DTNB: variants seen among roughly 807,000 people sequenced by gnomAD.
DTNB encodes the protein DTN-B.
DTNB carries 63 observed loss-of-function variants against 90.7 expected under a neutral mutation model. The ratio of observed to expected loss-of-function variants is 0.69; its 90% CI spans 0.57 to 0.86. The LOEUF is 0.86. Among genes scored for constraint, DTNB ranks in the 40% least tolerant of loss-of-function variants. The pLI, the probability that DTNB is intolerant of heterozygous loss-of-function variation, is 0.00. For missense variants in DTNB, 744 were observed against 807.1 expected (o/e 0.92, Z 0.95); for synonymous variants, 277 against 286.7 (o/e 0.97, Z 0.34).
intron 12 of DTNB, among the ~76,000 whole-genome samples, chr2:25,441,505 T>C (rs1166012032): frequency 6.6e-6 from 1 of 152,238 alleles, no homozygotes; most frequent in Non-Finnish European, 1.5e-5. Context: ...ACAGCTTTAA[T>C]GAGGCGATGT....
chr2:25,572,965 A>C (rs1356447852), intron 8 of DTNB, among the ~76,000 whole-genome samples: 1 of 149,406 alleles, frequency 6.7e-6, no homozygotes, highest in African/African-American at 2.5e-5. Flanking sequence ...TTTGAGATGG[A>C]GTTTCACTCT....
chr2:25,544,462 T>C (rs1484229222), intron 8 of DTNB, among the ~76,000 whole-genome samples: 2 of 152,192 alleles, frequency 1.3e-5, no homozygotes, highest in Non-Finnish European at 2.9e-5. Flanking sequence ...AAGCTCAGGA[T>C]TGGTGACTTT....
intron 2 of DTNB, among the ~76,000 whole-genome samples, chr2:25,651,744 C>A (rs995678302): frequency 6.6e-6 from 1 of 152,066 alleles, no homozygotes; most frequent in African/African-American, 2.4e-5. Flanking sequence ...TTTCATATTG[C>A]GATATGCAGA....
intron 4 of DTNB, among the ~76,000 whole-genome samples, chr2:25,610,715 C>T (rs936461790): frequency 4.1e-5 from 6 of 147,500 alleles, no homozygotes; most frequent in African/African-American, 1.2e-4. Context: ...AACTTCTATC[C>T]TTTTTTTTTT....
At chr2:25,616,163 C>T (rs2070421450) in intron 4 of DTNB, among the ~76,000 whole-genome samples, 1 of 152,146 alleles carries the variant, frequency 6.6e-6, no homozygotes, top group Admixed American at 6.5e-5. Flanking sequence ...GCTATCTATG[C>T]AGACAGACAG....
rs571354866 is a variant in DTNB, at chr2:25,482,060, T to C, written c.1079+736A>G. Among the ~76,000 whole-genome samples the C allele has an allele frequency of 1.1e-4, 17 of 152,330 alleles. No homozygotes were observed. The South Asian group carries it at 3.5e-3, about 32-fold the overall frequency. ...ACTAGGGGGTGGGCTGGAATGTCTTTGTGGTTTTCTTGTTTCTGAGTGATG... is the reference window on the plus strand; with the variant it reads ...ACTAGGGGGTGGGCTGGAATGTCTTCGTGGTTTTCTTGTTTCTGAGTGATG... On this transcript the variant is annotated intron_variant, in intron 10 of 20. Coordinates refer to ENST00000406818, the MANE Select transcript of DTNB (RefSeq NM_021907.5).
intron 9 of DTNB, among the ~76,000 whole-genome samples, chr2:25,486,443 G>A (rs1176013138): frequency 6.6e-6 from 1 of 152,134 alleles, no homozygotes; most frequent in African/African-American, 2.4e-5. Flanking sequence ...TTCAGGCTGG[G>A]TGACAAGTGA....
chr2:25,588,976 T>A (rs1194045133), intron 6 of DTNB, among the ~76,000 whole-genome samples: 1 of 152,140 alleles, frequency 6.6e-6, no homozygotes, highest in Non-Finnish European at 1.5e-5. Context: ...AAATAACAAA[T>A]ATAGATACAC....
chr2:25,525,876 T>A (rs1029256825), intron 9 of DTNB, among the ~76,000 whole-genome samples: 1 of 150,998 alleles, frequency 6.6e-6, no homozygotes, highest in Non-Finnish European at 1.5e-5. Context: ...GGGTGAGAGG[T>A]TGCATTAAGA....
chr2:25,521,763 A>G (rs1228745943), intron 9 of DTNB, among the ~76,000 whole-genome samples: 1 of 152,224 alleles, frequency 6.6e-6, no homozygotes, highest in African/African-American at 2.4e-5. Context: ...ATTTCTCTTC[A>G]AACATTTAAA....
rs1387843191 is a variant in DTNB, at chr2:25,384,001, C to T, written c.1826-112G>A. On this transcript the variant is annotated intron_variant, in intron 18 of 20. Coordinates refer to ENST00000406818, the MANE Select transcript of DTNB (RefSeq NM_021907.5). ...GGGAGGAAACTCTAGCTAACAGCTCCTGGCTGCAGGCCTCTGAGGGTGCTT... is the reference window on the plus strand; with the variant it reads ...GGGAGGAAACTCTAGCTAACAGCTCTTGGCTGCAGGCCTCTGAGGGTGCTT... 6 of 1,582,176 alleles carry T rather than the reference C, an allele frequency of 3.8e-6. No individual in the cohort carries two copies. In the African/African-American group the frequency reaches 8.1e-5, roughly 21 times the overall value.
intron 16 of DTNB, 118 bp from the exon 17 acceptor site, chr2:25,388,479 A>G: frequency 7.5e-7 from 1 of 1,338,428 alleles, no homozygotes; most frequent in Non-Finnish European, 9.9e-7. Context: ...TCAGTGGTAC[A>G]AGATCATACT....
chr2:25,637,660 T>C (rs2077395046), intron 3 of DTNB, among the ~76,000 whole-genome samples: 1 of 152,152 alleles, frequency 6.6e-6, no homozygotes, highest in African/African-American at 2.4e-5. Context: ...CACAATGAGA[T>C]ACCATCTCAT....
intron 9 of DTNB, among the ~76,000 whole-genome samples, chr2:25,505,226 A>C (rs1028397419): frequency 6.6e-6 from 1 of 152,154 alleles, no homozygotes; most frequent in Non-Finnish European, 1.5e-5. Flanking sequence ...CCCCAGGTGG[A>C]AGTACAGCTG....
intron 14 of DTNB, among the ~76,000 whole-genome samples, chr2:25,429,953 C>G (rs1276379436): frequency 6.6e-6 from 1 of 152,098 alleles, no homozygotes; most frequent in Admixed American, 6.6e-5. Context: ...ATGCTGAACC[C>G]CAAGTGCACT....
At chr2:25,665,625 CAA>C (rs879677956) in intron 1 of DTNB, among the ~76,000 whole-genome samples, 1 of 133,676 alleles carries the variant, frequency 7.5e-6, no homozygotes, top group Non-Finnish European at 1.6e-5. Flanking sequence ...GACTCCGTCT[CAA>C]AAAAAAAAAA....
chr2:25,572,491 C>T (rs2060025437), intron 8 of DTNB, among the ~76,000 whole-genome samples: 2 of 151,126 alleles, frequency 1.3e-5, no homozygotes, highest in East Asian at 3.9e-4. Context: ...AAACTATCTG[C>T]ACCGTCCCTT....
intron 16 of DTNB, among the ~76,000 whole-genome samples, chr2:25,393,865 C>A (rs2041779564): frequency 6.6e-6 from 1 of 152,034 alleles, no homozygotes; most frequent in Admixed American, 6.6e-5. Flanking sequence ...AAAATACCAC[C>A]ATCATTCCTC....
chr2:25,404,665 G>A (rs1255239339), intron 16 of DTNB, among the ~76,000 whole-genome samples: 1 of 152,024 alleles, frequency 6.6e-6, no homozygotes, highest in African/African-American at 2.4e-5. Context: ...GACCAGCCTG[G>A]CCAACATGGT....
Sources: allele counts gnomAD v4.1 joint callset (sites outside exome capture counted in the v4.1 genomes callset), GRCh38; gene constraint gnomAD v4.1.1; transcripts MANE v1.5; gene names NCBI Gene and HGNC (gene_info 2026-07-23, HGNC 2026-07-21).